CAPG: variants seen among roughly 807,000 people sequenced by gnomAD.
CAPG encodes the protein capping actin protein, gelsolin like.
A neutral mutation model predicts 44.6 loss-of-function variants in CAPG; 32 were observed. The ratio of observed to expected loss-of-function variants is 0.72; its 90% CI spans 0.54 to 0.96. The LOEUF is 0.96. Among genes scored for constraint, CAPG ranks in the 50% least tolerant of loss-of-function variants. The pLI, the probability that CAPG is intolerant of heterozygous loss-of-function variation, is 0.00. For missense variants in CAPG, 412 were observed against 438.3 expected (o/e 0.94, Z 0.54); for synonymous variants, 175 against 179.6 (o/e 0.97, Z 0.20).
At chr2:85,394,055 C>T, downstream of CAPG, among the ~76,000 whole-genome samples, 1 of 152,244 alleles carries the variant, frequency 6.6e-6, no homozygotes, top group East Asian at 1.9e-4. Flanking sequence ...TCCAAGCTGA[C>T]ACAGGCTCAC....
intron 1 of CAPG, among the ~76,000 whole-genome samples, chr2:85,404,073 G>T (rs1346309679): frequency 6.6e-6 from 1 of 151,878 alleles, no homozygotes; most frequent in East Asian, 1.9e-4. Flanking sequence ...CCAGAAGAGA[G>T]GATTTGAATG....
At chr2:85,410,930 C>T (rs998718100), upstream of CAPG, among the ~76,000 whole-genome samples, 2 of 151,594 alleles carry the variant, frequency 1.3e-5, no homozygotes, top group African/African-American at 4.9e-5. Context: ...GCATTATCAC[C>T]GCTAACCGCA....
rs1573179555 is a variant in CAPG at position 85,401,214 on chromosome 2, T to C, written c.467A>G (p.Asn156Ser). The C allele has an allele frequency of 6.2e-7, 1 of 1,614,196 alleles. No homozygotes were observed. The highest frequency in any genetic ancestry group is 8.5e-7 in the Non-Finnish European group (1 of 1,180,040). ...GTCCCCAGTGTTGAAGCTGTCCCAG[T>C]TCAGTGCCCGCTCGGTGGCACGGAT... ...KNIRATERAL[N>S]WDSFNTGDCF... is the part of the protein sequence containing the mutation. The change falls in exon 5 of 10, where the codon AAC becomes AGC. Residue 156 changes from asparagine (N) to serine (S), a missense_variant. By Grantham distance (46) the Asn-to-Ser change is conservative. Transcript: ENST00000263867.
At chr2:85,398,847 G>T in intron 6 of CAPG, 65 bp from the exon 7 acceptor site, 1 of 1,272,308 alleles carries the variant, frequency 7.9e-7, no homozygotes. Context: ...AGCCCATCAT[G>T]CCCAGGGCCA....
At chr2:85,418,546 C>T (rs1256351349), upstream of CAPG, 2 of 150,928 alleles carry the variant, frequency 1.3e-5, no homozygotes, top group Non-Finnish European at 2.9e-5. Flanking sequence ...CTTTGCTGAG[C>T]CCAGGTCCGG....
chr2:85,398,293 G>C, intron 7 of CAPG, 141 bp from the exon 8 acceptor site: 2 of 990,714 alleles, frequency 2.0e-6, no homozygotes, highest in Non-Finnish European at 3.0e-6. Context: ...GCAGACAAGA[G>C]AGTGAAGACC....
chr2:85,411,932 G>A (rs2104856940), upstream of CAPG, among the ~76,000 whole-genome samples: 1 of 151,832 alleles, frequency 6.6e-6, no homozygotes, highest in South Asian at 2.1e-4. Flanking sequence ...CATGGTCATG[G>A]GTGCCTGTAA....
At chr2:85,396,780 A>G (rs1346138014) in intron 8 of CAPG, among the ~76,000 whole-genome samples, 1 of 152,008 alleles carries the variant, frequency 6.6e-6, no homozygotes, top group Admixed American at 6.6e-5. Context: ...TGCTGCTCCC[A>G]GCTCCTCCCT....
Position 85,399,270 on chromosome 2 carries a change from A to G in CAPG, c.532T>C (p.Cys178Arg). 6.2e-7 allele frequency: 1 copy of G among 1,613,862 alleles called. No individual in the cohort carries two copies. Among genetic ancestry groups the G allele is most frequent in the South Asian group, 1.1e-5 (1 of 91,070 alleles). The change falls in exon 6 of 10, where the codon TGT becomes CGT. Residue 178 changes from cysteine to arginine, a missense_variant. Transcript: ENST00000263867. ...LDLGQNIFAW[C>R]GGKSNILERN... ...TCCAGGATGTTGGACTTTCCACCAC[A>G]CCAGGCGAAGATGTTCTGCAAGGAA...
intron 7 of CAPG, among the ~76,000 whole-genome samples, 172 bp downstream of exon 7, chr2:85,398,518 C>T (rs539231053): frequency 6.6e-6 from 1 of 152,316 alleles, no homozygotes; most frequent in Non-Finnish European, 1.5e-5. Context: ...GCCTTCCGCC[C>T]ACTCCCCATC....
chr2:85,409,109 GA>G (rs1406282427), intron 1 of CAPG, among the ~76,000 whole-genome samples: 1 of 152,214 alleles, frequency 6.6e-6, no homozygotes, highest in Admixed American at 6.5e-5. Context: ...TTTAGGGCAG[GA>G]AGTGTATTTT....
At chr2:85,403,635 T>C (rs749310435) in intron 1 of CAPG, among the ~76,000 whole-genome samples, 31 of 152,140 alleles carry the variant, frequency 2.0e-4, no homozygotes, top group Admixed American at 5.2e-4. Context: ...ACGCCTGTAA[T>C]CCCAGCACTT....
chr2:85,404,993 T>C (rs1687080032), intron 1 of CAPG, among the ~76,000 whole-genome samples: 1 of 151,740 alleles, frequency 6.6e-6, no homozygotes, highest in Non-Finnish European at 1.5e-5. Flanking sequence ...AGAAATTTCC[T>C]TAACCTGTTA....
upstream of CAPG, among the ~76,000 whole-genome samples, chr2:85,413,651 G>C (rs960643719): frequency 6.6e-6 from 1 of 152,134 alleles, no homozygotes; most frequent in Non-Finnish European, 1.5e-5. Context: ...GGAGCGGCTA[G>C]GAACTCAATG....
At chr2:85,398,660 C>T (rs201302380) in intron 7 of CAPG, 30 bp downstream of exon 7, 47 of 1,554,730 alleles carry the variant, frequency 3.0e-5, no homozygotes, top group East Asian at 2.5e-4. Flanking sequence ...TCCCTGCTGC[C>T]GGGTCCCAGG....
chr2:85,397,646 T>C (rs1038252077), intron 8 of CAPG, among the ~76,000 whole-genome samples: 1 of 151,584 alleles, frequency 6.6e-6, no homozygotes, highest in African/African-American at 2.4e-5. Context: ...GAGGTTGCAG[T>C]GAGCCAAGAT....
chr2:85,415,932 G>A (rs1558741069), intron 1 of CAPG, among the ~76,000 whole-genome samples: 2 of 152,020 alleles, frequency 1.3e-5, no homozygotes, highest in Admixed American at 1.3e-4. Flanking sequence ...GCTCCCTGCA[G>A]CCTTGAACTC....
chr2:85,400,343 C>T (rs888747013), intron 5 of CAPG, among the ~76,000 whole-genome samples: 6 of 152,188 alleles, frequency 3.9e-5, no homozygotes, highest in Admixed American at 1.3e-4. Flanking sequence ...CTGGTAATGG[C>T]GAGGTCTGTT....
chr2:85,408,724 C>G (rs2104844975), intron 1 of CAPG: 1 of 152,236 alleles, frequency 6.6e-6, no homozygotes, highest in East Asian at 1.9e-4. Context: ...CCACCATACC[C>G]AGTGAAACCG....
Sources: gnomAD v4.1 joint callset for allele counts (sites outside exome capture counted in the v4.1 genomes callset) on GRCh38, gnomAD v4.1.1 for gene constraint, MANE v1.5 for transcripts, NCBI Gene and HGNC (gene_info 2026-07-23, HGNC 2026-07-21) for gene names.